Variants in CYP4X1 observed in about 807,000 individuals in gnomAD.
The protein encoded by CYP4X1 is cytochrome P450 4X1.
Under a neutral mutation model 57.9 loss-of-function variants are expected in CYP4X1, and 44 were observed. The ratio of observed to expected loss-of-function variants is 0.76; its 90% confidence interval spans 0.60 to 0.98. The LOEUF (loss-of-function observed/expected upper bound fraction) is 0.98. Among genes scored for constraint, CYP4X1 ranks in the 50% least tolerant of loss-of-function variants. CYP4X1 has a pLI of 0.00. For synonymous variants in CYP4X1, 227 were observed against 228.6 expected, an observed-to-expected ratio of 0.99 and a Z score of 0.06; for missense variants, 532 against 623.9, an observed-to-expected ratio of 0.85 and a Z score of 1.57.
the CYP4X1 span, among the ~76,000 whole-genome samples, chr1:47,000,582 T>C: frequency 6.6e-6 from 1 of 152,126 alleles, no homozygotes; most frequent in East Asian, 1.9e-4. Flanking sequence ...TAGTTTATTA[T>C]AGTGGCAATA....
rs747677830 is a variant in CYP4X1, at chr1:47,050,110, A to G, written c.1466A>G (p.Asn489Ser). 14 of 1,613,776 alleles carry G rather than the reference A, an allele frequency of 8.7e-6. No individual in the cohort carries two copies. The highest frequency in any genetic ancestry group is 3.3e-5 in the South Asian group (3 of 91,062). Residue 489 changes from asparagine (N) to serine (S), a missense_variant, in exon 12 of 12, where the codon AAC becomes AGC. Physicochemically the swap from Asn to Ser is conservative, Grantham distance 46. Transcript: ENST00000371901. ...CCCACCAGGCCTCTTACTTTCCCCAACCATTTTATCCTCAAGCCCAAGAAT... is the reference window on the plus strand; with the variant it reads ...CCCACCAGGCCTCTTACTTTCCCCAGCCATTTTATCCTCAAGCCCAAGAAT... ...PDPTRPLTFP[N>S]HFILKPKNGM...
At chr1:46,985,023 G>A in the CYP4X1 span, among the ~76,000 whole-genome samples, 1 of 152,212 alleles carries the variant, frequency 6.6e-6, no homozygotes, top group Non-Finnish European at 1.5e-5. Flanking sequence ...TTGGTGGGGA[G>A]AGGCGTATCT....
chr1:47,009,429 A>C, the CYP4X1 span, among the ~76,000 whole-genome samples: 1 of 152,220 alleles, frequency 6.6e-6, no homozygotes, highest in Admixed American at 6.5e-5. Flanking sequence ...AGGGAAATTT[A>C]TAGCAATAAA....
the CYP4X1 span, among the ~76,000 whole-genome samples, chr1:46,971,552 A>C: frequency 6.6e-6 from 1 of 152,172 alleles, no homozygotes; most frequent in African/African-American, 2.4e-5. Flanking sequence ...CCATATAAGC[A>C]TTGCCTTTTC....
chr1:46,982,755 G>T, the CYP4X1 span, among the ~76,000 whole-genome samples: 1 of 152,176 alleles, frequency 6.6e-6, no homozygotes, highest in South Asian at 2.1e-4. Context: ...CTGCAGCTGT[G>T]CTCCTTCTCA....
the CYP4X1 span, among the ~76,000 whole-genome samples, chr1:47,017,658 C>T: frequency 6.6e-6 from 1 of 152,208 alleles, no homozygotes; most frequent in Non-Finnish European, 1.5e-5. Flanking sequence ...TCCCTCTGCT[C>T]AGTGAGATAA....
At chr1:47,046,671 G>A (rs1644306426) in intron 9 of CYP4X1, 71 bp downstream of exon 9, 7 of 1,606,042 alleles carry the variant, frequency 4.4e-6, no homozygotes, top group Middle Eastern at 1.7e-4. Flanking sequence ...ACAAAGATTA[G>A]TGAGTCTCTT....
the CYP4X1 span, among the ~76,000 whole-genome samples, chr1:47,017,924 G>A: frequency 6.6e-6 from 1 of 152,168 alleles, no homozygotes; most frequent in East Asian, 1.9e-4. Context: ...TGTGTCATGG[G>A]TGCGCATCCT....
chr1:47,000,700 T>C, the CYP4X1 span, among the ~76,000 whole-genome samples: 52 of 151,928 alleles, frequency 3.4e-4, 1 homozygote, highest in Middle Eastern at 3.4e-3. Flanking sequence ...GATTCAGGGA[T>C]GCAGTTGGGT....
rs1310874729 is a variant in CYP4X1 at position 47,050,358 on chromosome 1, T to C, written c.*184T>C. The C allele has an allele frequency of 5.0e-6, 3 of 599,272 alleles. No individual in the cohort carries two copies. In the African/African-American group the frequency reaches 5.6e-5, roughly 11 times the overall value. The allele number at this position is 599,272 out of a possible 1,614,324, so 37.1% of individuals were successfully genotyped here. ...AGTGTGTCAGCTAGATCTGTTTCTA[T>C]ATAACTTTGGGAGATTTTCAGATCT... is the stretch of plus-strand genomic sequence containing the variant. On this transcript the variant is annotated 3_prime_UTR_variant, in exon 12 of 12. Transcript: ENST00000371901.
At chr1:46,981,358 G>A in the CYP4X1 span, among the ~76,000 whole-genome samples, 1 of 152,184 alleles carries the variant, frequency 6.6e-6, no homozygotes, top group Non-Finnish European at 1.5e-5. Flanking sequence ...AGACATTTAT[G>A]CAGCCAAAAG....
chr1:46,976,360 G>A, the CYP4X1 span, among the ~76,000 whole-genome samples: 1 of 152,122 alleles, frequency 6.6e-6, no homozygotes, highest in African/African-American at 2.4e-5. Context: ...ACAGCAGTCC[G>A]AGATTGAAGT....
chr1:46,970,120 T>C, the CYP4X1 span, among the ~76,000 whole-genome samples: 337 of 152,326 alleles, frequency 2.2e-3, 3 homozygotes, highest in African/African-American at 7.8e-3. Flanking sequence ...GTGTGCTGCA[T>C]TGGGAGTATG....
intron 10 of CYP4X1, 48 bp downstream of exon 10, chr1:47,048,677 C>A: frequency 6.5e-7 from 1 of 1,541,200 alleles, no homozygotes; most frequent in Non-Finnish European, 8.8e-7. Context: ...TAATGCTGTG[C>A]AAGTCACTTT....
At chr1:46,988,932 C>T in the CYP4X1 span, among the ~76,000 whole-genome samples, 6 of 152,076 alleles carry the variant, frequency 3.9e-5, no homozygotes, top group East Asian at 1.9e-4. Context: ...GACAAATCCA[C>T]GCCAATATCA....
the CYP4X1 span, among the ~76,000 whole-genome samples, chr1:46,996,920 CT>C: frequency 6.6e-6 from 1 of 152,172 alleles, no homozygotes; most frequent in South Asian, 2.1e-4. Context: ...TAAAAAGGAA[CT>C]TGGTATTTTT....
chr1:47,053,348 T>G (rs546326126), downstream of CYP4X1, among the ~76,000 whole-genome samples: 13 of 152,358 alleles, frequency 8.5e-5, no homozygotes, highest in Non-Finnish European at 1.6e-4. Flanking sequence ...TCCAAGTCTT[T>G]GCTATTGTGA....
At chr1:47,030,254 G>A (rs1569617652) in intron 2 of CYP4X1, 123 bp downstream of exon 2, 1 of 1,252,306 alleles carries the variant, frequency 8.0e-7, no homozygotes, top group East Asian at 2.4e-5. Flanking sequence ...AGCAAGTATG[G>A]GGAGGTGACA....
chr1:47,051,586 C>G (rs530897366), downstream of CYP4X1, among the ~76,000 whole-genome samples: 70 of 152,254 alleles, frequency 4.6e-4, no homozygotes, highest in Admixed American at 1.8e-3. Flanking sequence ...TTTGCTTTCA[C>G]TCTTCCATCA....
Sources: allele counts gnomAD v4.1 joint callset (sites outside exome capture counted in the v4.1 genomes callset), GRCh38; gene constraint gnomAD v4.1.1; transcripts MANE v1.5; gene names NCBI Gene and HGNC (gene_info 2026-07-23, HGNC 2026-07-21).